The following DNAJB12 variants were observed in gnomAD, a reference collection of about 807,000 sequenced individuals.
DNAJB12 encodes dnaJ homolog subfamily B member 12.
Under a neutral mutation model 40.6 loss-of-function variants are expected in DNAJB12, and 14 were observed. That is an observed-to-expected ratio of 0.34 (90% CI 0.23 to 0.54). The LOEUF (loss-of-function observed/expected upper bound fraction) is 0.54, where lower values mean the gene tolerates loss of function less well. Among genes scored for constraint, DNAJB12 ranks in the 20% least tolerant of loss-of-function variants. The pLI is 0.92. For synonymous variants in DNAJB12, 181 were observed against 199.5 expected, an observed-to-expected ratio of 0.91 and a Z score of 0.78; for missense variants, 444 against 501.7, an observed-to-expected ratio of 0.89 and a Z score of 1.10.
chr10:72,354,699 C>A (rs1862021152), intron 1 of DNAJB12, 66 bp downstream of exon 1: 1 of 1,399,434 alleles, frequency 7.1e-7, no homozygotes. Context: ...CTGCTCCCGT[C>A]GGTCCGTTCC....
At position 72,335,800 on chromosome 10, in the gene DNAJB12, T is replaced by C; in HGVS notation, c.*10A>G. 6.2e-7 allele frequency: 1 copy of C among 1,613,274 alleles called. No homozygotes were observed. The highest frequency in any genetic ancestry group is 8.5e-7 in the Non-Finnish European group (1 of 1,179,500). On this transcript the variant is annotated 3_prime_UTR_variant, in exon 8 of 9. Coordinates refer to ENST00000444643, the MANE Select transcript of DNAJB12 (RefSeq NM_017626.7). This position sits in a 1 kb window ranked among gnomAD's most constrained non-coding sequence, Gnocchi z 4.4. The stretch of plus-strand genomic sequence containing the variant: ...CATACTTGGACCTCGGTGGTGTGGC[T>C]GGCCCAGGACTATCCATGCAGGGAG...
At position 72,350,834 on chromosome 10, in the gene DNAJB12, A is replaced by G. The variant is rs999466306; in HGVS notation, c.133+3931T>C. Among the ~76,000 whole-genome samples the G allele has an allele frequency of 3.9e-5, 6 of 152,170 alleles. No homozygotes were observed. In the South Asian group the frequency reaches 1.2e-3, roughly 32 times the overall value. On this transcript the variant is annotated intron_variant, in intron 1 of 8. Coordinates refer to ENST00000444643, the MANE Select transcript of DNAJB12 (RefSeq NM_017626.7). ...GATTCTGTGAAATACAGTGAATGGA[A>G]GGGGGCTAAGTGCACAGTGGGGCTC... is the stretch of plus-strand genomic sequence containing the variant.
In DNAJB12 at chr10:72,343,887, C is replaced by CTT. The variant is rs370222284; in HGVS notation, c.312-378_312-377dup. Among the ~76,000 whole-genome samples the CTT allele has an allele frequency of 3.9e-3, 561 of 145,156 alleles. 4 individuals are homozygous for CTT. The highest frequency in any genetic ancestry group is 0.013 in the African/African-American group (519 of 39,912). On this transcript the variant is annotated intron_variant, in intron 2 of 8. Coordinates refer to ENST00000444643, the MANE Select transcript of DNAJB12 (RefSeq NM_017626.7). Reference sequence around the variant, plus strand: ...AACCGACTCTCCTGGCAATCTGAGTCTTTTTTTTTTTTTAATTTTTAAAAG... The same window carrying CTT: ...AACCGACTCTCCTGGCAATCTGAGTCTTTTTTTTTTTTTTTAATTTTTAAAAG...
chr10:72,334,804 C>A (rs866102970), intron 8 of DNAJB12, 187 bp from the exon 9 acceptor site: 1 of 1,382,956 alleles, frequency 7.2e-7, no homozygotes, highest in Non-Finnish European at 9.3e-7. Flanking sequence ...GGCCTCCAGG[C>A]AGAGTCAGCC....
At chr10:72,339,444 G>C (rs1861569262) in intron 5 of DNAJB12, among the ~76,000 whole-genome samples, 2 of 151,844 alleles carry the variant, frequency 1.3e-5, no homozygotes, top group African/African-American at 2.4e-5. Context: ...TGAGACAGGA[G>C]AATCACTTGA....
chr10:72,350,402 A>C (rs1328715887), intron 1 of DNAJB12, among the ~76,000 whole-genome samples: 2 of 128,002 alleles, frequency 1.6e-5, no homozygotes, highest in Non-Finnish European at 3.2e-5. Flanking sequence ...CTGTCTCAAA[A>C]AAAAAAAAAA....
intron 1 of DNAJB12, among the ~76,000 whole-genome samples, chr10:72,347,160 C>T (rs1312760143): frequency 6.6e-6 from 1 of 152,068 alleles, no homozygotes; most frequent in Admixed American, 6.6e-5. Context: ...GAGGTTTCAC[C>T]ATGTTGGCCA....
At chr10:72,336,030 T>C in intron 7 of DNAJB12, 99 bp from the exon 8 acceptor site, 1 of 1,492,340 alleles carries the variant, frequency 6.7e-7, no homozygotes, top group East Asian at 2.3e-5. Flanking sequence ...AGCTGGTACA[T>C]GCCCGGGGCT....
rs144023337 is a variant in DNAJB12 at position 72,342,423 on chromosome 10, G to C, written c.457+943C>G. ...CTGAATAGGCCTCAAGGCCAGAGCT[G>C]GCCTCTCGGTACAGTCGGAGCAGGC... On this transcript the variant is annotated intron_variant, in intron 3 of 8. Transcript: ENST00000444643. Among the ~76,000 whole-genome samples, 7 of 152,366 alleles carry C rather than the reference G, an allele frequency of 4.6e-5. No individual in the cohort carries two copies. In the East Asian group the frequency reaches 1.3e-3, roughly 29 times the overall value.
At position 72,336,568 on chromosome 10, in the gene DNAJB12, T is replaced by A; in HGVS notation, c.962A>T (p.Tyr321Phe). 1 of 1,614,126 alleles carries A rather than the reference T, an allele frequency of 6.2e-7. No homozygotes were observed. The highest frequency in any genetic ancestry group is 8.5e-7 in the Non-Finnish European group (1 of 1,179,988). Reference protein sequence around the residue: ...KTVERNVEDDYIANLRNNCWK... With the variant: ...KTVERNVEDDFIANLRNNCWK... ...GCAGTTGTTCCGGAGGTTGGCGATATAATCATCTTCCACATTCCGCTCGAC... is the reference window on the plus strand; with the variant it reads ...GCAGTTGTTCCGGAGGTTGGCGATAAAATCATCTTCCACATTCCGCTCGAC... Residue 321 changes from tyrosine to phenylalanine, a missense_variant, in exon 7 of 9, where the codon TAT (tyrosine) becomes TTT (phenylalanine). Transcript: ENST00000444643.
At chr10:72,336,058 C>A in intron 7 of DNAJB12, 127 bp from the exon 8 acceptor site, 2 of 1,199,258 alleles carry the variant, frequency 1.7e-6, no homozygotes, top group Non-Finnish European at 2.4e-6. Flanking sequence ...GGCTGGCCTC[C>A]CATTAGGAAG....
chr10:72,335,178 G>C lies in DNAJB12; in HGVS notation c.*31-561C>G. ...CGAGAGAGTGCCTCAGATCCCACCA[G>C]AGGGGGGTGGTCAGGGCCCGCGGCC... On this transcript the variant is annotated intron_variant, in intron 8 of 8. Transcript: ENST00000444643. The surrounding 1 kb of genome is among the most constrained non-coding windows in gnomAD (Gnocchi z 4.4). The C allele has an allele frequency of 1.0e-6, 1 of 987,764 alleles. No homozygotes were observed. The allele number at this position is 987,764 out of a possible 1,614,324, so 61.2% of individuals were successfully genotyped here.
rs747990166 is a variant in DNAJB12 at position 72,345,136 on chromosome 10, G to A, written c.134-9C>T. On this transcript the variant is annotated splice_polypyrimidine_tract_variant and intron_variant, in intron 1 of 8. Coordinates refer to ENST00000444643, the MANE Select transcript of DNAJB12 (RefSeq NM_017626.7). ...GAGGGACTCAATCAGGGCTGTGCAA[G>A]GCAAGGAAACCATTCAGAGCTCCTG... 1 of 1,597,086 alleles carries A rather than the reference G, an allele frequency of 6.3e-7. No homozygotes were observed. The highest frequency in any genetic ancestry group is 1.7e-5 in the Admixed American group (1 of 58,240).
rs369505287 is a variant in DNAJB12 at position 72,350,507 on chromosome 10, CAAAACTCT to C, written c.133+4250_133+4257del. On this transcript the variant is annotated intron_variant, in intron 1 of 8. Coordinates refer to ENST00000444643, the MANE Select transcript of DNAJB12 (RefSeq NM_017626.7). ...GACAAGGTAACTTAGCTCATCTGTG[CAAAACTCT>C]ATCTCCATCATACAGGCTAAAAGAG... is the stretch of plus-strand genomic sequence containing the variant. 3.6e-3 allele frequency among the ~76,000 whole-genome samples: 549 copies of C among 150,886 alleles called. 2 individuals carry two copies. Among genetic ancestry groups the C allele is most frequent in the African/African-American group, 0.013 (517 of 41,124 alleles).
intron 6 of DNAJB12, 77 bp from the exon 7 acceptor site, chr10:72,336,773 A>C (rs1861490605): frequency 7.6e-7 from 1 of 1,316,270 alleles, no homozygotes; most frequent in African/African-American, 1.4e-5. Context: ...GCCCCAAGAC[A>C]GGAGGTGCCG....
At chr10:72,348,731 GGCGGGCTCCTGTA>G (rs1861861890) in intron 1 of DNAJB12, among the ~76,000 whole-genome samples, 3 of 152,358 alleles carry the variant, frequency 2.0e-5, no homozygotes, top group South Asian at 2.1e-4. Flanking sequence ...GAGTAAGGGA[GGCGGGCTCCTGTA>G]GCAAACCCTG....
Position 72,354,865 on chromosome 10 carries a change from A to T in DNAJB12, c.33T>A (p.Cys11Ter). The change falls in exon 1 of 9, where the codon TGT (cysteine) becomes TGA (stop). Residue 11 changes from cysteine (C) to a stop codon, truncating the protein, a stop_gained. Coordinates refer to ENST00000444643, the MANE Select transcript of DNAJB12 (RefSeq NM_017626.7). LOFTEE classifies it high-confidence loss of function. ...GGATGGCCTTGAGGGCGATGCTGAT[A>T]CAGCGCTCAGCTTCATCCTTGTTGG... The part of the protein sequence containing the change: MESNKDEAER[C>*]ISIALKAIQS... The T allele has an allele frequency of 6.2e-7, 1 of 1,614,094 alleles. No homozygotes were observed. Among genetic ancestry groups the T allele is most frequent in the Non-Finnish European group, 8.5e-7 (1 of 1,179,934 alleles).
chr10:72,334,418 G>C lies in DNAJB12; in HGVS notation c.*230C>G, dbSNP rs1369946532. 1 of 794,414 alleles carries C rather than the reference G, an allele frequency of 1.3e-6. No individual in the cohort carries two copies. The highest frequency in any genetic ancestry group is 2.4e-5 in the Admixed American group (1 of 41,948). The allele number at this position is 794,414 out of a possible 1,614,324, so 49.2% of individuals were successfully genotyped here. ...GCGGAGCCTCCGCCAGCCCTGCGAG[G>C]GAGGGAAGCAGCCCCATGGCAGGTT... is the stretch of plus-strand genomic sequence containing the variant. On this transcript the variant is annotated 3_prime_UTR_variant, in exon 9 of 9. Coordinates refer to ENST00000444643, the MANE Select transcript of DNAJB12 (RefSeq NM_017626.7).
intron 1 of DNAJB12, among the ~76,000 whole-genome samples, chr10:72,349,505 T>TG (rs1430946730): frequency 6.6e-6 from 1 of 152,154 alleles, no homozygotes; most frequent in Admixed American, 6.5e-5. Flanking sequence ...GAAGAGATAT[T>TG]GGTCAAGGCG....
Sources: gnomAD v4.1 joint callset for allele counts (sites outside exome capture counted in the v4.1 genomes callset) on GRCh38, gnomAD v4.1.1 for gene constraint, Gnocchi (gnomAD v3.1) non-coding constraint, MANE v1.5 for transcripts, NCBI Gene and HGNC (gene_info 2026-07-23, HGNC 2026-07-21) for gene names.